The following ITGA7 variants were observed in gnomAD, a reference collection of about 807,000 sequenced individuals.
ITGA7 encodes integrin subunit alpha 7, also known as integrin alpha-7.
ITGA7 carries 84 observed loss-of-function variants against 131.6 expected under a neutral mutation model. The ratio of observed to expected loss-of-function variants is 0.64; its 90% confidence interval spans 0.54 to 0.77. ITGA7 has a LOEUF of 0.77. Among genes scored for constraint, ITGA7 ranks in the 30% least tolerant of loss-of-function variants. The pLI is 0.00. For missense variants in ITGA7, 1,399 were observed against 1,482.9 expected (o/e 0.94, Z 0.93); for synonymous variants, 548 against 600.7 (o/e 0.91, Z 1.28).
chr12:55,700,552 G>T, intron 4 of ITGA7: 1 of 798,374 alleles, frequency 1.3e-6, no homozygotes, highest in Non-Finnish European at 2.0e-6. Context: ...CCCCAGATGT[G>T]GCATCACACT....
intron 3 of ITGA7, 63 bp from the exon 4 acceptor site, chr12:55,701,217 T>C (rs1873940605): frequency 1.2e-6 from 2 of 1,602,784 alleles, no homozygotes; most frequent in African/African-American, 2.7e-5. Flanking sequence ...TGAGGCATGC[T>C]GCCCATATGC....
upstream of ITGA7, among the ~76,000 whole-genome samples, chr12:55,711,066 A>G (rs1341313402): frequency 6.6e-6 from 1 of 152,224 alleles, no homozygotes; most frequent in South Asian, 2.1e-4. Context: ...ACAATACTGT[A>G]CCAATATCAA....
chr12:55,696,974 C>T lies in ITGA7; in HGVS notation c.1662G>A (p.Lys554=). ...TFLSRNLEEP[K]HQASGTVWLK... ...GCCACACGGTGCCCGAGGCCTGGTGCTTGGGTTCTTCCAGGTTACGGCTCA... is the reference window on the plus strand; with the variant it reads ...GCCACACGGTGCCCGAGGCCTGGTGTTTGGGTTCTTCCAGGTTACGGCTCA... Residue 554 remains lysine, a synonymous_variant, in exon 12 of 25, where the codon AAG becomes AAA. Transcript: ENST00000257879. 1 of 1,614,156 alleles carries T rather than the reference C, an allele frequency of 6.2e-7. No homozygotes were observed. Among genetic ancestry groups the T allele is most frequent in the Non-Finnish European group, 8.5e-7 (1 of 1,180,036 alleles).
At chr12:55,698,163 A>C in intron 7 of ITGA7, 137 bp from the exon 8 acceptor site, 1 of 895,310 alleles carries the variant, frequency 1.1e-6, no homozygotes, top group Non-Finnish European at 1.8e-6. Flanking sequence ...CTCTACATAC[A>C]TCATCTTTAA....
intron 21 of ITGA7, 45 bp downstream of exon 21, chr12:55,692,799 C>T: frequency 1.9e-6 from 3 of 1,568,154 alleles, no homozygotes; most frequent in Non-Finnish European, 1.7e-6. Context: ...CCTGGACACG[C>T]AGCACCCCGG....
At chr12:55,714,250 C>T (rs1478250074), upstream of ITGA7, among the ~76,000 whole-genome samples, 1 of 152,034 alleles carries the variant, frequency 6.6e-6, no homozygotes, top group Non-Finnish European at 1.5e-5. Flanking sequence ...CGGTGGCTCA[C>T]GCCTGTAATC....
intron 7 of ITGA7, 170 bp from the exon 8 acceptor site, chr12:55,698,196 A>G (rs1873082090): frequency 1.2e-6 from 1 of 829,484 alleles, no homozygotes; most frequent in Admixed American, 2.4e-5. Context: ...CTCCCTGCAG[A>G]TATTACTAAC....
rs1468691992 is a variant in ITGA7, at chr12:55,703,162, G to C, written c.223C>G (p.Pro75Ala). ...TGCCCAGGAAGAGCCAGGGCCTGGGGAGCACCCACCAGCAGCCTGCAAGAT... is the reference window on the plus strand; with the variant it reads ...TGCCCAGGAAGAGCCAGGGCCTGGGCAGCACCCACCAGCAGCCTGCAAGAT... ...RPQSWLLVGA[P>A]QALALPGQQA... The change falls in exon 2 of 25, where the codon CCC becomes GCC. Residue 75 changes from proline (P) to alanine (A), a missense_variant. Physicochemically the swap from Pro to Ala is conservative, Grantham distance 27. Coordinates refer to ENST00000257879, the MANE Select transcript of ITGA7 (RefSeq NM_002206.3). 1 of 1,610,982 alleles carries C rather than the reference G, an allele frequency of 6.2e-7. No homozygotes were observed. The highest frequency in any genetic ancestry group is 2.2e-5 in the East Asian group (1 of 44,860).
chr12:55,694,804 AG>A lies in ITGA7; in HGVS notation c.2169del (p.Ser724GlnfsTer31). 1.2e-6 allele frequency: 2 copies of A among 1,613,744 alleles called. No homozygotes were observed. The highest frequency in any genetic ancestry group is 1.7e-6 in the Non-Finnish European group (2 of 1,179,928). ...LLVMLPDSLHYSGVRALDPAE... is the reference protein window; with the variant it reads ...LLVMLPDSLHXSGVRALDPAE... ...GCAGGGTCCAGGGCCCGGACCCCTG[AG>A]TAGTGCAGTGAGTCAGGAAGCATGA... On this transcript the variant is annotated frameshift_variant, in exon 15 of 25. Coordinates refer to ENST00000257879, the MANE Select transcript of ITGA7 (RefSeq NM_002206.3). LOFTEE classifies it high-confidence loss of function. The surrounding 1 kb of genome is among the most constrained non-coding windows in gnomAD (Gnocchi z 5.3).
At position 55,688,941 on chromosome 12, in the gene ITGA7, G is replaced by A. The variant is rs142361411; in HGVS notation, c.2861C>T (p.Thr954Met). 3.9e-5 allele frequency: 63 copies of A among 1,613,840 alleles called. 1 individual carries two copies. The highest frequency in any genetic ancestry group is 3.7e-4 in the South Asian group (34 of 91,066). The change falls in exon 22 of 25, where the codon ACG (threonine) becomes ATG (methionine). Residue 954 changes from threonine (T) to methionine (M), a missense_variant. Physicochemically the swap from Thr to Met is moderately conservative, Grantham distance 81. Transcript: ENST00000257879. ...KNITLDCARG[T>M]ANCVVFSCPL... ...GCAGCTGAACACCACACAGTTGGCC[G>A]TGCCCCGGGCGCAGTCCTAGGGATA...
intron 21 of ITGA7, among the ~76,000 whole-genome samples, chr12:55,690,567 T>C (rs1871214796): frequency 6.7e-6 from 1 of 149,932 alleles, no homozygotes; most frequent in South Asian, 2.2e-4. Context: ...AGTGTGGCGA[T>C]TCCTCAGGGA....
Position 55,700,988 on chromosome 12 carries a change from A to C in ITGA7, c.581T>G (p.Phe194Cys). Residue 194 changes from phenylalanine to cysteine, a missense_variant, in exon 4 of 25, where the codon TTT (phenylalanine) becomes TGT (cysteine). By Grantham distance (205) the Phe-to-Cys change is radical. Transcript: ENST00000257879. ...AGCTGTGCCCTGCTGGCAGAACCCA[A>C]ATTGTTCATGGCCTTGGGGGCGTCC... ...CEGRPQGHEQ[F>C]GFCQQGTAAA... 6.2e-7 allele frequency: 1 copy of C among 1,614,214 alleles called. No homozygotes were observed. Among genetic ancestry groups the C allele is most frequent in the South Asian group, 1.1e-5 (1 of 91,086 alleles).
At position 55,694,671 on chromosome 12, in the gene ITGA7, C is replaced by T. The variant is rs371949945; in HGVS notation, c.2221G>A (p.Glu741Lys). Residue 741 changes from glutamate to lysine, a missense_variant, in exon 16 of 25, where the codon GAG (glutamate) becomes AAG (lysine). By Grantham distance (56) the Glu-to-Lys change is moderately conservative. Transcript: ENST00000257879. This position sits in a 1 kb window ranked among gnomAD's most constrained non-coding sequence, Gnocchi z 5.3. ...TCACACTCAACATGGGAGGCATTCT[C>T]ATTGGACAGGCAGAGTGGCTTCTCC... is the stretch of plus-strand genomic sequence containing the variant. ...PAEKPLCLSN[E>K]NASHVECELG... The T allele has an allele frequency of 5.6e-6, 9 of 1,614,048 alleles. No homozygotes were observed. The highest frequency in any genetic ancestry group is 6.8e-6 in the Non-Finnish European group (8 of 1,180,028).
chr12:55,712,707 G>C (rs1436354370), upstream of ITGA7, among the ~76,000 whole-genome samples: 1 of 152,164 alleles, frequency 6.6e-6, no homozygotes, highest in Non-Finnish European at 1.5e-5. Flanking sequence ...GTGAAGCTGA[G>C]CTTCAACTGC....
intron 7 of ITGA7, 62 bp downstream of exon 7, chr12:55,698,320 AG>A: frequency 6.9e-7 from 1 of 1,452,576 alleles, no homozygotes; most frequent in African/African-American, 1.4e-5. Context: ...CTGACCTCTG[AG>A]GGGCTTCCCC....
At chr12:55,692,213 G>A (rs1250542886) in intron 21 of ITGA7, among the ~76,000 whole-genome samples, 1 of 152,140 alleles carries the variant, frequency 6.6e-6, no homozygotes, top group East Asian at 1.9e-4. Flanking sequence ...AGGAGTTCGA[G>A]ACCAGCCAGC....
Position 55,696,375 on chromosome 12 carries a change from T to A in ITGA7, c.1795A>T (p.Thr599Ser). The A allele has an allele frequency of 6.3e-7, 1 of 1,596,568 alleles. No individual in the cohort carries two copies. Among genetic ancestry groups the A allele is most frequent in the South Asian group, 1.1e-5 (1 of 88,254 alleles). ...IVVTLSYSLQ[T>S]PRLRRQAPGQ... ...GGAGCCTGTCGCCGGAGCCGAGGGG[T>A]CTGGAGACTGTAGGACAAGGTCACT... The change falls in exon 13 of 25, where the codon ACC becomes TCC. Residue 599 changes from threonine (T) to serine (S), a missense_variant. By Grantham distance (58) the Thr-to-Ser change is moderately conservative. Coordinates refer to ENST00000257879, the MANE Select transcript of ITGA7 (RefSeq NM_002206.3).
At chr12:55,687,165 A>ATTT (rs1327697912) in intron 24 of ITGA7, among the ~76,000 whole-genome samples, 2 of 115,542 alleles carry the variant, frequency 1.7e-5, no homozygotes, top group African/African-American at 6.7e-5. Context: ...TCTGCATCTG[A>ATTT]TTTCTTTTTT....
At position 55,687,970 on chromosome 12, in the gene ITGA7, C is replaced by A. The variant is rs556683406; in HGVS notation, c.3183+1G>T. The A allele has an allele frequency of 2.5e-6, 4 of 1,614,184 alleles. No individual in the cohort carries two copies. Among genetic ancestry groups the A allele is most frequent in the Non-Finnish European group, 3.4e-6 (4 of 1,180,038 alleles). ...CCATCAGCCCCACCTCCAAGCCTCA[C>A]CTTCCACAGGAGCAGCACCAGCAGT... is the stretch of plus-strand genomic sequence containing the variant. On this transcript the variant is annotated splice_donor_variant, in intron 24 of 24. Coordinates refer to ENST00000257879, the MANE Select transcript of ITGA7 (RefSeq NM_002206.3). LOFTEE classifies it high-confidence loss of function.
Sources: gnomAD v4.1 joint callset for allele counts (sites outside exome capture counted in the v4.1 genomes callset) on GRCh38, gnomAD v4.1.1 for gene constraint, Gnocchi (gnomAD v3.1) non-coding constraint, MANE v1.5 for transcripts, NCBI Gene and HGNC (gene_info 2026-07-23, HGNC 2026-07-21) for gene names.